Variants in LRRC4C observed in about 807,000 individuals in gnomAD.
The protein encoded by LRRC4C is leucine-rich repeat-containing protein 4C.
Under a neutral mutation model 33.6 loss-of-function variants are expected in LRRC4C, and 5 were observed. The observed-to-expected ratio is 0.15, with a 90% CI of 0.08 to 0.31. LRRC4C has a LOEUF of 0.31. LRRC4C is among the 10% of genes least tolerant of loss of function. The probability of loss-of-function intolerance (pLI) is 1.00; values close to 1 mark genes in which losing one functional copy is unlikely to be tolerated. For synonymous variants in LRRC4C, 329 were observed against 302.0 expected (o/e 1.09, Z -0.93); for missense variants, 560 against 796.7 (o/e 0.70, Z 3.58).
chr11:41,105,943 A>G (rs1941467397), intron 1 of LRRC4C, among the ~76,000 whole-genome samples: 1 of 152,130 alleles, frequency 6.6e-6, no homozygotes, highest in African/African-American at 2.4e-5. Context: ...TCAAGTACTG[A>G]ATAAAAGAAT....
chr11:40,963,013 C>G (rs1351908434), intron 1 of LRRC4C, among the ~76,000 whole-genome samples: 1 of 151,544 alleles, frequency 6.6e-6, no homozygotes, highest in East Asian at 1.9e-4. Flanking sequence ...AGTGGTTATG[C>G]TTTTAGATGT....
intron 2 of LRRC4C, among the ~76,000 whole-genome samples, chr11:40,774,806 A>G (rs1196981827): frequency 1.3e-5 from 2 of 152,112 alleles, no homozygotes; most frequent in Non-Finnish European, 1.5e-5. Flanking sequence ...GAAATGATGC[A>G]TTTTGAGGGC....
chr11:41,351,475 ATT>A (rs1445361945), intron 1 of LRRC4C, among the ~76,000 whole-genome samples: 2 of 126,068 alleles, frequency 1.6e-5, no homozygotes, highest in African/African-American at 2.6e-5. Context: ...TGCCATGAAA[ATT>A]CAGGAAACTC....
chr11:40,956,728 T>G (rs1687229031), intron 1 of LRRC4C, among the ~76,000 whole-genome samples: 1 of 151,948 alleles, frequency 6.6e-6, no homozygotes, highest in South Asian at 2.1e-4. Flanking sequence ...AATATTCTTA[T>G]AACAAGTTAT....
chr11:40,903,148 G>A (rs776724253), intron 2 of LRRC4C, among the ~76,000 whole-genome samples: 4 of 152,084 alleles, frequency 2.6e-5, no homozygotes, highest in Non-Finnish European at 4.4e-5. Context: ...CTATGTTGAT[G>A]CTAATGCCCA....
chr11:41,225,643 A>G (rs768930019), intron 1 of LRRC4C, among the ~76,000 whole-genome samples: 12 of 151,360 alleles, frequency 7.9e-5, no homozygotes, highest in Non-Finnish European at 1.5e-4. Flanking sequence ...TATTTTATTT[A>G]TATATATTTT....
At chr11:40,892,219 C>G (rs1955748427) in intron 2 of LRRC4C, among the ~76,000 whole-genome samples, 1 of 151,654 alleles carries the variant, frequency 6.6e-6, no homozygotes. Flanking sequence ...AGCAATCTCA[C>G]TGCTAGACAG....
At chr11:40,163,424 C>G (rs775112492) in intron 5 of LRRC4C, among the ~76,000 whole-genome samples, 5 of 152,038 alleles carry the variant, frequency 3.3e-5, no homozygotes, top group Admixed American at 6.6e-5. Context: ...CAGGAATCAC[C>G]GGGTTGCAAA....
At chr11:40,808,229 AT>A (rs1951335415) in intron 2 of LRRC4C, among the ~76,000 whole-genome samples, 1 of 151,786 alleles carries the variant, frequency 6.6e-6, no homozygotes, top group African/African-American at 2.4e-5. Flanking sequence ...TGTTTCCATT[AT>A]TATGACTATT....
chr11:40,236,289 G>A (rs1251236707), intron 5 of LRRC4C, among the ~76,000 whole-genome samples: 1 of 152,162 alleles, frequency 6.6e-6, no homozygotes, highest in African/African-American at 2.4e-5. Flanking sequence ...GAGAACAGCA[G>A]CTGCTGGCTT....
Position 40,208,705 on chromosome 11 carries a change from T to C in LRRC4C, c.-96+32814A>G, listed in dbSNP as rs192623722. Among the ~76,000 whole-genome samples, 39 of 152,344 alleles carry C rather than the reference T, an allele frequency of 2.6e-4. 1 individual carries two copies. The highest frequency in any genetic ancestry group is 1.9e-3 in the Admixed American group (29 of 15,304). ...ATGTTATTACAAGTATTGCCCCAGA[T>C]ACCTCATATATAACATATGCATGTA... On this transcript the variant is annotated intron_variant, in intron 5 of 6. Transcript: ENST00000528697.
chr11:40,582,593 T>C (rs1958520760), intron 3 of LRRC4C, among the ~76,000 whole-genome samples: 1 of 149,970 alleles, frequency 6.7e-6, no homozygotes, highest in East Asian at 2.0e-4. Context: ...CTTGGCTCAC[T>C]GCAACCTCTG....
At chr11:40,195,489 AG>A (rs1862186886) in intron 5 of LRRC4C, among the ~76,000 whole-genome samples, 1 of 152,068 alleles carries the variant, frequency 6.6e-6, no homozygotes, top group South Asian at 2.1e-4. Flanking sequence ...ATTTCTTGTC[AG>A]GGGCAAGGAT....
intron 5 of LRRC4C, among the ~76,000 whole-genome samples, chr11:40,189,674 G>A (rs1033948511): frequency 3.9e-5 from 6 of 152,154 alleles, no homozygotes; most frequent in African/African-American, 1.4e-4. Flanking sequence ...GATGATGAAT[G>A]TAGTACTTAA....
At chr11:40,591,129 G>A (rs1959034117) in intron 3 of LRRC4C, among the ~76,000 whole-genome samples, 2 of 152,144 alleles carry the variant, frequency 1.3e-5, no homozygotes, top group Admixed American at 1.3e-4. Flanking sequence ...CAATCAGTGA[G>A]ACTCCGTGGG....
intron 5 of LRRC4C, among the ~76,000 whole-genome samples, chr11:40,238,835 TAAAAGGTG>T (rs1865743006): frequency 6.6e-6 from 1 of 152,132 alleles, no homozygotes; most frequent in Admixed American, 6.6e-5. Context: ...TATGTTTATA[TAAAAGGTG>T]ATTTTCCCTC....
intron 4 of LRRC4C, among the ~76,000 whole-genome samples, chr11:40,294,822 C>T (rs1944427883): frequency 6.6e-6 from 1 of 151,484 alleles, no homozygotes; most frequent in South Asian, 2.1e-4. Flanking sequence ...AGCAAGACTC[C>T]GTCTCAAATA....
At chr11:40,896,873 A>G (rs1245919699) in intron 2 of LRRC4C, among the ~76,000 whole-genome samples, 9 of 152,182 alleles carry the variant, frequency 5.9e-5, no homozygotes, top group Non-Finnish European at 7.4e-5. Flanking sequence ...ACCTCACTTC[A>G]CTGATATCAC....
Position 40,114,359 on chromosome 11 carries a change from C to G in LRRC4C, c.*11G>C, listed in dbSNP as rs766534674. ...TTTTGATTGTTTGTTTTTTGTAACTCTGTAAATGTTTTAGATTTGAGTCTC... is the reference window on the plus strand; with the variant it reads ...TTTTGATTGTTTGTTTTTTGTAACTGTGTAAATGTTTTAGATTTGAGTCTC... On this transcript the variant is annotated 3_prime_UTR_variant, in exon 7 of 7. Transcript: ENST00000528697. The G allele has an allele frequency of 5.1e-6, 8 of 1,565,392 alleles. No individual in the cohort carries two copies. The South Asian group carries it at 7.3e-5, about 14-fold the overall frequency.
Sources: gnomAD v4.1 joint callset for allele counts (sites outside exome capture counted in the v4.1 genomes callset) on GRCh38, gnomAD v4.1.1 for gene constraint, MANE v1.5 for transcripts, NCBI Gene and HGNC (gene_info 2026-07-23, HGNC 2026-07-21) for gene names.